Variants in AKAP6 observed in about 807,000 individuals in gnomAD.
The protein encoded by AKAP6 is A-kinase anchoring protein 6, also known as A-kinase anchor protein 6.
AKAP6 carries 58 observed loss-of-function variants against 188.5 expected under a neutral mutation model. The ratio of observed to expected loss-of-function variants is 0.31; its 90% confidence interval spans 0.25 to 0.38. AKAP6 has a LOEUF of 0.38. Among genes scored for constraint, AKAP6 ranks in the 10% least tolerant of loss-of-function variants. AKAP6 has a pLI of 1.00. For missense variants in AKAP6, 2,710 were observed against 2,740.0 expected, an observed-to-expected ratio of 0.99 and a Z score of 0.24; for synonymous variants, 989 against 998.6, an observed-to-expected ratio of 0.99 and a Z score of 0.18.
intron 1 of AKAP6, among the ~76,000 whole-genome samples, chr14:32,372,845 GAAAA>G (rs1888052699): frequency 1.3e-5 from 2 of 151,546 alleles, no homozygotes; most frequent in African/African-American, 4.8e-5. Context: ...AGAGGAGAGA[GAAAA>G]AGAAAGAGAG....
intron 11 of AKAP6, among the ~76,000 whole-genome samples, chr14:32,749,033 GC>G (rs756043225): frequency 7.9e-5 from 12 of 152,088 alleles, no homozygotes; most frequent in Non-Finnish European, 1.6e-4. Context: ...ATATTGAATT[GC>G]CATTCATCTT....
intron 1 of AKAP6, among the ~76,000 whole-genome samples, chr14:32,399,062 C>T (rs1213477807): frequency 2.0e-5 from 3 of 151,892 alleles, no homozygotes; most frequent in African/African-American, 7.3e-5. Context: ...CTGTGTTGCC[C>T]AGGCTGATCT....
At chr14:32,373,082 A>G in intron 1 of AKAP6, among the ~76,000 whole-genome samples, 1 of 149,448 alleles carries the variant, frequency 6.7e-6, no homozygotes, top group East Asian at 2.0e-4. Context: ...TTCATTTCAA[A>G]ATTTATGGCT....
chr14:32,386,291 T>A (rs951265841), intron 1 of AKAP6, among the ~76,000 whole-genome samples: 2 of 152,130 alleles, frequency 1.3e-5, no homozygotes, highest in African/African-American at 4.8e-5. Context: ...TTTTAAATTA[T>A]GGCCATTCTA....
At chr14:32,548,820 A>G (rs1282960267) in intron 4 of AKAP6, among the ~76,000 whole-genome samples, 1 of 152,200 alleles carries the variant, frequency 6.6e-6, no homozygotes, top group Non-Finnish European at 1.5e-5. Flanking sequence ...AAGATAGGAG[A>G]GAAGAAAGAG....
intron 2 of AKAP6, among the ~76,000 whole-genome samples, chr14:32,460,749 A>G (rs1891295903): frequency 6.6e-6 from 1 of 152,220 alleles, no homozygotes; most frequent in Non-Finnish European, 1.5e-5. Context: ...AGGGGGTTGA[A>G]GCCAAGGAGC....
At chr14:32,820,067 C>A (rs374303740) in intron 12 of AKAP6, among the ~76,000 whole-genome samples, 40 of 152,162 alleles carry the variant, frequency 2.6e-4, no homozygotes, top group African/African-American at 9.2e-4. Context: ...ACAGTGCTAT[C>A]CCCATTTTAC....
intron 12 of AKAP6, among the ~76,000 whole-genome samples, chr14:32,809,775 A>G (rs2034177146): frequency 6.6e-6 from 1 of 152,180 alleles, no homozygotes; most frequent in Non-Finnish European, 1.5e-5. Flanking sequence ...ATCTGCAGGT[A>G]AACATAAGGG....
chr14:32,684,964 C>T (rs1027751323), intron 8 of AKAP6, among the ~76,000 whole-genome samples: 1 of 152,054 alleles, frequency 6.6e-6, no homozygotes, highest in African/African-American at 2.4e-5. Context: ...CCTTATAGAA[C>T]AATGGGCGGG....
intron 8 of AKAP6, among the ~76,000 whole-genome samples, chr14:32,682,424 A>C (rs1313674549): frequency 6.6e-6 from 1 of 152,154 alleles, no homozygotes; most frequent in East Asian, 1.9e-4. Flanking sequence ...TGTTCACTGC[A>C]CTCTCTCCAG....
intron 2 of AKAP6, among the ~76,000 whole-genome samples, chr14:32,490,018 G>C (rs1017447069): frequency 2.0e-5 from 3 of 152,112 alleles, no homozygotes; most frequent in African/African-American, 7.2e-5. Flanking sequence ...TTTCGGACAG[G>C]GGGTGGATCT....
chr14:32,433,521 C>T lies in AKAP6; in HGVS notation c.28C>T (p.Pro10Ser), dbSNP rs779781949. The change falls in exon 2 of 14, where the codon CCC becomes TCC. Residue 10 changes from proline (P) to serine (S), a missense_variant. Coordinates refer to ENST00000280979, the MANE Select transcript of AKAP6 (RefSeq NM_004274.5). ...GTTAACCATGAGCGTGACACTTTCC[C>T]CCCTGAGGTCACAGGACCTGGATCC... MLTMSVTLSPLRSQDLDPMA... is the reference protein window; with the variant it reads MLTMSVTLSSLRSQDLDPMA... 4 of 1,613,980 alleles carry T rather than the reference C, an allele frequency of 2.5e-6. No homozygotes were observed. The highest frequency in any genetic ancestry group is 4.5e-5 in the East Asian group (2 of 44,890).
chr14:32,581,895 C>T (rs1489552009), intron 5 of AKAP6, among the ~76,000 whole-genome samples: 7 of 152,146 alleles, frequency 4.6e-5, no homozygotes, highest in African/African-American at 1.7e-4. Context: ...TGTCTCTGCA[C>T]ATGAGATGGG....
At chr14:32,540,168 C>CTCTCTCTCTATATATATATATA (rs1240063339) in intron 3 of AKAP6, among the ~76,000 whole-genome samples, 6 of 60,918 alleles carry the variant, frequency 9.8e-5, no homozygotes, top group African/African-American at 5.9e-4. Context: ...CTCTCTCTCT[C>CTCTCTCTCTATATATATATATA]TATATATATA....
chr14:32,701,754 CTT>C (rs1566655542), intron 9 of AKAP6, among the ~76,000 whole-genome samples: 1 of 152,052 alleles, frequency 6.6e-6, no homozygotes, highest in Non-Finnish European at 1.5e-5. Flanking sequence ...GAATAGCTCT[CTT>C]TTATTTTGTT....
chr14:32,623,666 G>A (rs937797309), intron 7 of AKAP6, among the ~76,000 whole-genome samples: 1 of 152,114 alleles, frequency 6.6e-6, no homozygotes. Flanking sequence ...ACAGAGAACC[G>A]TGGCATAATT....
chr14:32,567,852 G>T (rs1884270154), intron 4 of AKAP6, among the ~76,000 whole-genome samples: 1 of 152,098 alleles, frequency 6.6e-6, no homozygotes, highest in Non-Finnish European at 1.5e-5. Flanking sequence ...GTCCAGAAAT[G>T]TTTATTTAAA....
chr14:32,466,772 C>T (rs975882482), intron 2 of AKAP6, among the ~76,000 whole-genome samples: 4 of 140,198 alleles, frequency 2.9e-5, no homozygotes, highest in Non-Finnish European at 6.0e-5. Context: ...ATTAACCAAT[C>T]GATGTGTAGA....
chr14:32,719,019 G>A (rs1381266062), intron 9 of AKAP6, among the ~76,000 whole-genome samples: 1 of 152,092 alleles, frequency 6.6e-6, no homozygotes, highest in Non-Finnish European at 1.5e-5. Flanking sequence ...GAAGGCACCA[G>A]AGATATTCTT....
Sources: gnomAD v4.1 joint callset for allele counts (sites outside exome capture counted in the v4.1 genomes callset) on GRCh38, gnomAD v4.1.1 for gene constraint, MANE v1.5 for transcripts, NCBI Gene and HGNC (gene_info 2026-07-23, HGNC 2026-07-21) for gene names.